Variants in WNK4 observed in about 807,000 individuals in gnomAD.
WNK4 encodes serine/threonine-protein kinase WNK4.
A neutral mutation model predicts 116.2 loss-of-function variants in WNK4; 94 were observed. The observed-to-expected ratio is 0.81, with a 90% CI of 0.68 to 0.96. The LOEUF is 0.96. WNK4 is among the 40% of genes least tolerant of loss of function. WNK4 has a pLI of 0.00. For synonymous variants in WNK4, 655 were observed against 672.7 expected (o/e 0.97, Z 0.41); for missense variants, 1,542 against 1,650.6 (o/e 0.93, Z 1.14).
At position 42,794,853 on chromosome 17, in the gene WNK4, T is replaced by C; in HGVS notation, c.2432T>C (p.Leu811Ser). ...TCCTCATCTTCTCCTGGAACTCCTT[T>C]GTCTCCTGGAAACCCATTTTCCCCT... ...STSSSSPGTP[L>S]SPGNPFSPGT... The change falls in exon 14 of 19, where the codon TTG (leucine) becomes TCG (serine). Residue 811 changes from leucine (L) to serine (S), a missense_variant. By Grantham distance (145) the Leu-to-Ser change is moderately radical. Around this residue, in one of 7 missense-constraint regions of WNK4, gnomAD observed 808 missense variants for 873.6 expected, o/e 0.92. Coordinates refer to ENST00000246914, the MANE Select transcript of WNK4 (RefSeq NM_032387.5). 1 of 1,613,904 alleles carries C rather than the reference T, an allele frequency of 6.2e-7. No homozygotes were observed. Among genetic ancestry groups the C allele is most frequent in the Non-Finnish European group, 8.5e-7 (1 of 1,179,954 alleles).
intron 11 of WNK4, among the ~76,000 whole-genome samples, chr17:42,792,992 A>G (rs542750718): frequency 6.6e-6 from 1 of 152,348 alleles, no homozygotes; most frequent in African/African-American, 2.4e-5. Context: ...AGCATTGGTT[A>G]TCTTAATTCT....
rs765580426 is a variant in WNK4, at chr17:42,785,173, A to T, written c.1247A>T (p.Asp416Val). Reference protein sequence around the residue: ...KEIIEGCIRTDKNERFTIQDL... With the variant: ...KEIIEGCIRTVKNERFTIQDL... ...ATCATTGAAGGCTGCATCCGCACGG[A>T]TAAGAACGAGAGGTGGGGGTGAAAG... The change falls in exon 5 of 19, where the codon GAT becomes GTT. Residue 416 changes from aspartate (D) to valine (V), a missense_variant. Coordinates refer to ENST00000246914, the MANE Select transcript of WNK4 (RefSeq NM_032387.5). The T allele has an allele frequency of 1.2e-6, 2 of 1,613,914 alleles. No homozygotes were observed. The highest frequency in any genetic ancestry group is 2.2e-5 in the South Asian group (2 of 90,990).
At chr17:42,786,475 C>T (rs1237443222) in intron 6 of WNK4, among the ~76,000 whole-genome samples, 3 of 152,278 alleles carry the variant, frequency 2.0e-5, no homozygotes, top group South Asian at 4.1e-4. Flanking sequence ...TCATTGCAAC[C>T]TCCGCCTCCT....
rs2054683356 is a variant in WNK4 at position 42,796,906 on chromosome 17, T to C, written c.*218T>C. On this transcript the variant is annotated 3_prime_UTR_variant, in exon 19 of 19. Transcript: ENST00000246914. ...GTGTGGAGGTGTTAGTTCTGCTGCC[T>C]ACCATCTTCATCTCTAGCACCTCCC... 1 of 867,980 alleles carries C rather than the reference T, an allele frequency of 1.2e-6. No homozygotes were observed. The highest frequency in any genetic ancestry group is 1.8e-5 in the South Asian group (1 of 57,086). 53.8% of individuals were successfully genotyped at this position (867,980 alleles called of 1,614,324 possible).
chr17:42,796,116 T>C lies in WNK4; in HGVS notation c.3432-7T>C, dbSNP rs763219421. Reference sequence around the variant, plus strand: ...CTAGCCCTTTCATGCCCTCCGTGCATCCTCAGGCACTTGTCAGAGGTGGAA... The same window carrying C: ...CTAGCCCTTTCATGCCCTCCGTGCACCCTCAGGCACTTGTCAGAGGTGGAA... On this transcript the variant is annotated splice_region_variant and splice_polypyrimidine_tract_variant and intron_variant, in intron 16 of 18. Coordinates refer to ENST00000246914, the MANE Select transcript of WNK4 (RefSeq NM_032387.5). 2 of 1,613,966 alleles carry C rather than the reference T, an allele frequency of 1.2e-6. No individual in the cohort carries two copies. The highest frequency in any genetic ancestry group is 1.7e-6 in the Non-Finnish European group (2 of 1,179,984).
chr17:42,795,739 C>G lies in WNK4; in HGVS notation c.3137C>G (p.Thr1046Ser), dbSNP rs945360989. 2.5e-5 allele frequency: 41 copies of G among 1,613,586 alleles called. No homozygotes were observed. The highest frequency in any genetic ancestry group is 4.0e-5 in the African/African-American group (3 of 74,924). The part of the protein sequence containing the change: ...PTLSGSPKPS[T>S]PQLTSESSDT... ...CTCTCTGGTTCTCCAAAACCTTCAA[C>G]CCCTCAGCTCACTTCAGAGAGCTCA... Residue 1046 changes from threonine (T) to serine (S), a missense_variant, in exon 16 of 19, where the codon ACC becomes AGC. Around this residue, in one of 7 missense-constraint regions of WNK4, gnomAD observed 292 missense variants for 290.1 expected, o/e 1.01. Transcript: ENST00000246914.
rs1330496006 is a variant in WNK4 at position 42,795,065 on chromosome 17, AGTTCTCTCCCCACGACTTCTCCACCTAC to A, written c.2655_2682del (p.Thr886LeufsTer40). On this transcript the variant is annotated frameshift_variant, in exon 14 of 19. Transcript: ENST00000246914. LOFTEE classifies it high-confidence loss of function. The stretch of plus-strand genomic sequence containing the variant: ...GGTCCCACTCTCTCAGTGTCCCTGG[AGTTCTCTCCCCACGACTTCTCCACCTAC>A]GTTCTCTCCCACTTGTTCTCAGGTC... 4 of 1,613,428 alleles carry A rather than the reference AGTTCTCTCCCCACGACTTCTCCACCTAC, an allele frequency of 2.5e-6. No individual in the cohort carries two copies. The highest frequency in any genetic ancestry group is 3.4e-6 in the Non-Finnish European group (4 of 1,179,878).
Position 42,795,881 on chromosome 17 carries a change from A to G in WNK4, c.3279A>G (p.Glu1093=). 1 of 1,611,462 alleles carries G rather than the reference A, an allele frequency of 6.2e-7. No individual in the cohort carries two copies. The stretch of plus-strand genomic sequence containing the variant: ...AGGAGGAAGGAGATGATGGGAAGGA[A>G]CCCCAAGTTGGGGGCAGCCCCCAAC... The part of the protein sequence containing the change: ...GVEEEGDDGK[E]PQVGGSPQPL... Residue 1093 remains glutamate (E), a synonymous_variant, in exon 16 of 19, where the codon GAA becomes GAG. Coordinates refer to ENST00000246914, the MANE Select transcript of WNK4 (RefSeq NM_032387.5).
rs374889836 is a variant in WNK4, at chr17:42,787,473, C to T, written c.1672C>T (p.Pro558Ser). The change falls in exon 7 of 19, where the codon CCT (proline) becomes TCT (serine). Residue 558 changes from proline to serine, a missense_variant. By Grantham distance (74) the Pro-to-Ser change is moderately conservative (BLOSUM62 -1). This residue lies in a region of WNK4 where 808 missense variants were observed against 873.6 expected (regional missense o/e 0.92). Coordinates refer to ENST00000246914, the MANE Select transcript of WNK4 (RefSeq NM_032387.5). The part of the protein sequence containing the change: ...PGPPSVFPPE[P>S]EEPEADQHQP... ...TCCCCCCAGTGTCTTCCCCCCTGAG[C>T]CTGAGGAGCCAGAGGCAGACCAGCA... The T allele has an allele frequency of 1.1e-5, 16 of 1,421,056 alleles. No individual in the cohort carries two copies. The African/African-American group carries it at 2.1e-4, about 19-fold the overall frequency. 88.0% of individuals were successfully genotyped at this position (1,421,056 alleles called of 1,614,324 possible).
chr17:42,794,346 T>G (rs2054638276), intron 12 of WNK4: 1 of 532,066 alleles, frequency 1.9e-6, no homozygotes, highest in Non-Finnish European at 3.4e-6. Context: ...TTGTTAGTGT[T>G]TTGCCACCTT....
chr17:42,795,114 AG>A lies in WNK4; in HGVS notation c.2695del (p.Val899SerfsTer36), dbSNP rs1458971454. On this transcript the variant is annotated frameshift_variant, in exon 14 of 19. Transcript: ENST00000246914. LOFTEE classifies it high-confidence loss of function. ...CCTACGTTCTCTCCCACTTGTTCTC[AG>A]GTCACTCTTAGTTCCCCTTTCTTTC... ...SPPTFSPTCS[Q>X]VTLSSPFFPP... 6.2e-7 allele frequency: 1 copy of A among 1,613,690 alleles called. No homozygotes were observed. The highest frequency in any genetic ancestry group is 2.2e-5 in the East Asian group (1 of 44,848).
At position 42,795,445 on chromosome 17, in the gene WNK4, GC is replaced by G; in HGVS notation, c.2962-10del. The G allele has an allele frequency of 1.2e-6, 2 of 1,614,060 alleles. No homozygotes were observed. The highest frequency in any genetic ancestry group is 1.1e-5 in the South Asian group (1 of 91,078). ...CACTCTGCACTCTTCCCTTCTCATG[GC>G]CCCCCACTTTCTAGGCCTCACCACC... On this transcript the variant is annotated splice_polypyrimidine_tract_variant and intron_variant, in intron 14 of 18. Coordinates refer to ENST00000246914, the MANE Select transcript of WNK4 (RefSeq NM_032387.5).
intron 11 of WNK4, 126 bp downstream of exon 11, chr17:42,788,923 G>C: frequency 1.3e-6 from 1 of 789,478 alleles, no homozygotes; most frequent in East Asian, 2.5e-5. Flanking sequence ...TTGACACTTA[G>C]CACAGTAACG....
intron 11 of WNK4, among the ~76,000 whole-genome samples, chr17:42,790,392 G>C (rs1394524414): frequency 1.3e-5 from 2 of 152,132 alleles, no homozygotes; most frequent in African/African-American, 4.8e-5. Context: ...AATTAGAAAT[G>C]AAAGAAGGTT....
Position 42,795,387 on chromosome 17 carries a change from G to C in WNK4, c.2961+5G>C. 6.2e-7 allele frequency: 1 copy of C among 1,614,060 alleles called. No homozygotes were observed. Among genetic ancestry groups the C allele is most frequent in the South Asian group, 1.1e-5 (1 of 91,086 alleles). On this transcript the variant is annotated splice_donor_5th_base_variant and intron_variant, in intron 14 of 18. Coordinates refer to ENST00000246914, the MANE Select transcript of WNK4 (RefSeq NM_032387.5). Reference sequence around the variant, plus strand: ...ACAGCTGAGGTGGAGAGTGAGGTGAGTAGAAAACCAAGAGGGATGATTAGG... The same window carrying C: ...ACAGCTGAGGTGGAGAGTGAGGTGACTAGAAAACCAAGAGGGATGATTAGG...
In WNK4 at chr17:42,782,020, A is replaced by C. The variant is rs61754338; in HGVS notation, c.618+704A>C. ...GGGGGACCTTCCTCCCATTGCTCCC[A>C]TGCTACATATGGGTTAGGAGAACCC... is the stretch of plus-strand genomic sequence containing the variant. On this transcript the variant is annotated intron_variant, in intron 1 of 18. Coordinates refer to ENST00000246914, the MANE Select transcript of WNK4 (RefSeq NM_032387.5). The surrounding 1 kb of genome is among the most constrained non-coding windows in gnomAD (Gnocchi z 4.2). 8.6e-3 allele frequency among the ~76,000 whole-genome samples: 1,303 copies of C among 152,288 alleles called. 17 individuals carry two copies. Among genetic ancestry groups the C allele is most frequent in the African/African-American group, 0.029 (1,203 of 41,562 alleles).
intron 2 of WNK4, 58 bp from the exon 3 acceptor site, chr17:42,783,879 G>T (rs1178913505): frequency 6.6e-7 from 1 of 1,520,518 alleles, no homozygotes; most frequent in South Asian, 1.2e-5. Context: ...CCAGTGGGGG[G>T]CTCCTTCCCG....
intron 11 of WNK4, among the ~76,000 whole-genome samples, chr17:42,791,441 C>G (rs1434908551): frequency 6.6e-6 from 1 of 151,974 alleles, no homozygotes; most frequent in Non-Finnish European, 1.5e-5. Flanking sequence ...GAGTTCAAGA[C>G]CAGCCTGACC....
Position 42,796,843 on chromosome 17 carries a change from A to G in WNK4, c.*155A>G. The G allele has an allele frequency of 6.7e-7, 1 of 1,486,426 alleles. No homozygotes were observed. The highest frequency in any genetic ancestry group is 9.3e-7 in the Non-Finnish European group (1 of 1,079,590). 92.1% of individuals were successfully genotyped at this position (1,486,426 alleles called of 1,614,324 possible). On this transcript the variant is annotated 3_prime_UTR_variant, in exon 19 of 19. Transcript: ENST00000246914. ...AGGGGGGCATGGAGAGTGCAGCTCC[A>G]TTATAGTGAAGAGCCAAACATATGT...
Sources: gnomAD v4.1 joint callset for allele counts (sites outside exome capture counted in the v4.1 genomes callset) on GRCh38, gnomAD v4.1.1 for gene constraint, gnomAD v4.1.1 regional missense constraint, Gnocchi (gnomAD v3.1) non-coding constraint, MANE v1.5 for transcripts, NCBI Gene and HGNC (gene_info 2026-07-23, HGNC 2026-07-21) for gene names.